Variants in ECT2L observed in about 807,000 individuals in gnomAD.
ECT2L encodes epithelial cell-transforming sequence 2 oncogene-like.
Under a neutral mutation model 122.8 loss-of-function variants are expected in ECT2L, and 126 were observed. That is an observed-to-expected ratio of 1.03 (90% CI 0.89 to 1.19). The LOEUF is 1.19. Among genes scored for constraint, ECT2L ranks in the 50% most tolerant of loss-of-function variants. The pLI is 0.00. For missense variants in ECT2L, 1,012 were observed against 1,064.1 expected, an observed-to-expected ratio of 0.95 and a Z score of 0.68; for synonymous variants, 385 against 381.8, an observed-to-expected ratio of 1.01 and a Z score of -0.10.
At chr6:138,841,346 GTGA>G (rs919594250) in intron 5 of ECT2L, among the ~76,000 whole-genome samples, 13 of 152,192 alleles carry the variant, frequency 8.5e-5, no homozygotes, top group South Asian at 2.1e-4. Flanking sequence ...GAGTCTCTGG[GTGA>G]TGTTTTCTTC....
At chr6:138,880,127 C>G (rs6939635) in intron 14 of ECT2L, among the ~76,000 whole-genome samples, 8,385 of 152,180 alleles carry the variant, frequency 0.055, 729 homozygotes, top group African/African-American at 0.18. Context: ...TCAGATTTTT[C>G]ATATGTCAGC....
intron 7 of ECT2L, among the ~76,000 whole-genome samples, chr6:138,846,252 A>G (rs925870129): frequency 1.3e-5 from 2 of 152,140 alleles, no homozygotes; most frequent in Non-Finnish European, 2.9e-5. Context: ...TGAACTCCCA[A>G]ATATGTCATT....
At chr6:138,885,022 C>CTTTTTTTTTTTTTTTTTTTTTTTTTTTT (rs34579502) in intron 16 of ECT2L, among the ~76,000 whole-genome samples, 1 of 78,850 alleles carries the variant, frequency 1.3e-5, no homozygotes, top group Non-Finnish European at 2.4e-5. Flanking sequence ...AACACACATT[C>CTTTTTTTTTTTTTTTTTTTTTTTTTTTT]TTTTTTTTTT....
chr6:138,844,509 G>T lies in ECT2L; in HGVS notation c.693G>T (p.Arg231Ser). The change falls in exon 7 of 22, where the codon AGG becomes AGT. Residue 231 changes from arginine to serine, a missense_variant. By Grantham distance (110) the Arg-to-Ser change is moderately radical. Transcript: ENST00000541398. The stretch of plus-strand genomic sequence containing the variant: ...AACCACGCCTCTCCCAGACTGTAAG[G>T]GAGCGAGTGGGATTACATGAAGCTT... ...RCQPRLSQTV[R>S]ERVGLHEALE... is the part of the protein sequence containing the mutation. The T allele has an allele frequency of 6.2e-7, 1 of 1,614,134 alleles. No individual in the cohort carries two copies.
intron 16 of ECT2L, among the ~76,000 whole-genome samples, chr6:138,885,022 C>CTTTTTTT (rs34579502): frequency 3.7e-4 from 29 of 78,884 alleles, no homozygotes; most frequent in African/African-American, 5.3e-4. Context: ...AACACACATT[C>CTTTTTTT]TTTTTTTTTT....
At chr6:138,870,958 C>T (rs1778231959) in intron 13 of ECT2L, among the ~76,000 whole-genome samples, 2 of 152,010 alleles carry the variant, frequency 1.3e-5, no homozygotes, top group Non-Finnish European at 2.9e-5. Flanking sequence ...CCAAGGTTTG[C>T]TTGAACCCGG....
At chr6:138,844,795 C>CTT (rs11398299) in intron 7 of ECT2L, among the ~76,000 whole-genome samples, 5,592 of 126,586 alleles carry the variant, frequency 0.044, 282 homozygotes, top group Middle Eastern at 0.1. Flanking sequence ...TTTAAATGTT[C>CTT]TTTTTTTTTT....
Position 138,834,576 on chromosome 6 carries a change from G to A in ECT2L, c.180-3776G>A, listed in dbSNP as rs12661986. On this transcript the variant is annotated intron_variant, in intron 4 of 21. Coordinates refer to ENST00000541398, the MANE Select transcript of ECT2L (RefSeq NM_001077706.3). ...GATACTGAGACCCTTCTTTGGAAAG[G>A]AGGCCGGAAACATCTCTGTTTTGCC... Among the ~76,000 whole-genome samples the A allele has an allele frequency of 9.3e-3, 1,421 of 152,222 alleles. 47 individuals are homozygous for A. The highest frequency in any genetic ancestry group is 0.065 in the Admixed American group (987 of 15,284).
intron 7 of ECT2L, 71 bp from the exon 8 acceptor site, chr6:138,846,468 T>C (rs1463302435): frequency 5.6e-6 from 8 of 1,434,180 alleles, no homozygotes; most frequent in Non-Finnish European, 5.6e-6. Context: ...CCCAGAGACA[T>C]ATGCTGTGTA....
At chr6:138,849,557 T>C in intron 9 of ECT2L, 123 bp downstream of exon 9, 1 of 1,116,506 alleles carries the variant, frequency 9.0e-7, no homozygotes, top group South Asian at 2.0e-5. Context: ...TTTTTGGCTT[T>C]ATGAAAAAAG....
At chr6:138,798,530 G>A (rs2128366506) in intron 1 of ECT2L, among the ~76,000 whole-genome samples, 1 of 152,094 alleles carries the variant, frequency 6.6e-6, no homozygotes, top group Non-Finnish European at 1.5e-5. Context: ...CAGGAACCAG[G>A]GACAAAGATC....
At chr6:138,894,663 G>A (rs1779151892) in intron 20 of ECT2L, among the ~76,000 whole-genome samples, 1 of 152,070 alleles carries the variant, frequency 6.6e-6, no homozygotes, top group African/African-American at 2.4e-5. Flanking sequence ...TTCACATACT[G>A]GAAATTGTAG....
intron 12 of ECT2L, 77 bp downstream of exon 12, chr6:138,865,255 A>T: frequency 1.4e-6 from 2 of 1,397,836 alleles, no homozygotes; most frequent in Non-Finnish European, 1.9e-6. Flanking sequence ...AAGTTTAGTT[A>T]TGGCGCAAGT....
chr6:138,822,554 C>CATAA (rs200704042), intron 4 of ECT2L, among the ~76,000 whole-genome samples: 67 of 151,680 alleles, frequency 4.4e-4, no homozygotes, highest in Admixed American at 2.6e-3. Flanking sequence ...GAGACCCTGT[C>CATAA]ATAAATAAAT....
At chr6:138,808,095 T>C (rs969546143) in intron 1 of ECT2L, among the ~76,000 whole-genome samples, 2 of 151,624 alleles carry the variant, frequency 1.3e-5, no homozygotes, top group African/African-American at 4.8e-5. Context: ...TGGGTTTTCA[T>C]GAGACTGTAT....
intron 1 of ECT2L, among the ~76,000 whole-genome samples, chr6:138,801,315 A>G (rs762668617): frequency 2.6e-5 from 4 of 152,208 alleles, no homozygotes; most frequent in Non-Finnish European, 5.9e-5. Flanking sequence ...CCTTATGTGA[A>G]TCCACTCCCC....
intron 13 of ECT2L, among the ~76,000 whole-genome samples, chr6:138,875,671 T>C (rs1275679906): frequency 6.6e-6 from 1 of 152,262 alleles, no homozygotes; most frequent in Non-Finnish European, 1.5e-5. Context: ...TATTTAAATG[T>C]GCAGGTCTAG....
At chr6:138,868,260 C>T in intron 13 of ECT2L, 54 bp downstream of exon 13, 1 of 1,496,504 alleles carries the variant, frequency 6.7e-7, no homozygotes, top group South Asian at 1.2e-5. Context: ...TAAATAAATT[C>T]TGTTTGCAGT....
chr6:138,885,556 G>C lies in ECT2L; in HGVS notation c.2079G>C (p.Lys693Asn), dbSNP rs202056285. Reference protein sequence around the residue: ...AFRTFLKRHDKTIVTKMLSLP... With the variant: ...AFRTFLKRHDNTIVTKMLSLP... ...GAACTTTCCTGAAGAGGCATGATAAGACCATTGTTACCAAAATGCTGAGGT... is the reference window on the plus strand; with the variant it reads ...GAACTTTCCTGAAGAGGCATGATAACACCATTGTTACCAAAATGCTGAGGT... The change falls in exon 17 of 22, where the codon AAG (lysine) becomes AAC (asparagine). Residue 693 changes from lysine to asparagine, a missense_variant. Coordinates refer to ENST00000541398, the MANE Select transcript of ECT2L (RefSeq NM_001077706.3). 1 of 1,614,180 alleles carries C rather than the reference G, an allele frequency of 6.2e-7. No homozygotes were observed. The highest frequency in any genetic ancestry group is 8.5e-7 in the Non-Finnish European group (1 of 1,180,030).
Sources: allele counts gnomAD v4.1 joint callset (sites outside exome capture counted in the v4.1 genomes callset), GRCh38; gene constraint gnomAD v4.1.1; transcripts MANE v1.5; gene names NCBI Gene and HGNC (gene_info 2026-07-23, HGNC 2026-07-21).